The following PCDHGA5 variants were observed in gnomAD, a reference collection of about 807,000 sequenced individuals.
The protein encoded by PCDHGA5 is protocadherin gamma subfamily A, 5, also known as protocadherin gamma-A5.
PCDHGA5 carries 36 observed loss-of-function variants against 56.7 expected under a neutral mutation model. The observed-to-expected ratio is 0.64, with a 90% CI of 0.49 to 0.84. The LOEUF is 0.84. Among genes scored for constraint, PCDHGA5 ranks in the 40% least tolerant of loss-of-function variants. The pLI, the probability that PCDHGA5 is intolerant of heterozygous loss-of-function variation, is 0.00. For synonymous variants in PCDHGA5, 563 were observed against 520.2 expected (o/e 1.08, Z -1.12); for missense variants, 1,305 against 1,201.5 (o/e 1.09, Z -1.27).
chr5:141,485,821 T>C lies in PCDHGA5; in HGVS notation c.2422-8986T>C, dbSNP rs765768266. 4 of 1,614,134 alleles carry C rather than the reference T, an allele frequency of 2.5e-6. No homozygotes were observed. Among genetic ancestry groups the C allele is most frequent in the Admixed American group, 1.7e-5 (1 of 60,014 alleles). ...ACCGCCTGGTGCTGACTGCTGTCGATGGAGGGAACCCGCCGAGATCTGGCA... is the reference window on the plus strand; with the variant it reads ...ACCGCCTGGTGCTGACTGCTGTCGACGGAGGGAACCCGCCGAGATCTGGCA... On this transcript the variant is annotated intron_variant, in intron 1 of 3. Coordinates refer to ENST00000518069, the MANE Select transcript of PCDHGA5 (RefSeq NM_018918.3). This position sits in a 1 kb window ranked among gnomAD's most constrained non-coding sequence, Gnocchi z 5.7.
chr5:141,445,134 A>G lies in PCDHGA5; in HGVS notation c.2422-49673A>G, dbSNP rs900226020. ...TTGTAAATAGTATTTTTAAAATTGT[A>G]TCTTCTAATTGTTCATTTCTAGTTT... On this transcript the variant is annotated intron_variant, in intron 1 of 3. Transcript: ENST00000518069. Among the ~76,000 whole-genome samples, 174 of 152,316 alleles carry G rather than the reference A, an allele frequency of 1.1e-3. 4 individuals carry two copies. The highest frequency in any genetic ancestry group is 5.3e-4 in the Non-Finnish European group (36 of 68,016).
rs1036126623 is a variant in PCDHGA5, at chr5:141,410,753, T to A, written c.2421+44002T>A. On this transcript the variant is annotated intron_variant, in intron 1 of 3. Transcript: ENST00000518069. ...AGCTTTTTACAATATTTTCTCAATG[T>A]TTTTTCAATTATAGTTTTCACTATG... 4.1e-6 allele frequency: 5 copies of A among 1,229,696 alleles called. No individual in the cohort carries two copies. In the African/African-American group the frequency reaches 6.1e-5, roughly 15 times the overall value. 76.2% of individuals were successfully genotyped at this position (1,229,696 alleles called of 1,614,324 possible). A position where few individuals can be genotyped will look rare whatever the true frequency, so the allele number is the denominator to read the frequency against.
chr5:141,374,729 G>A, intron 1 of PCDHGA5: 2 of 1,610,396 alleles, frequency 1.2e-6, no homozygotes, highest in African/African-American at 2.7e-5. Context: ...TACTGCCATG[G>A]ATGGCGGCGA....
Position 141,512,171 on chromosome 5 carries a change from T to C in PCDHGA5, c.*998T>C, listed in dbSNP as rs140884268. ...GGGCTGAGCTAACAGGACCAATGGA[T>C]TAAACTGGCATTTCAGTCCAAGGAA... On this transcript the variant is annotated 3_prime_UTR_variant, in exon 4 of 4. Transcript: ENST00000518069. 584 of 152,796 alleles carry C rather than the reference T, an allele frequency of 3.8e-3. 5 individuals carry two copies. The highest frequency in any genetic ancestry group is 0.011 in the Admixed American group (167 of 15,298). The allele number at this position is 152,796 out of a possible 1,614,324, so 9.5% of individuals were successfully genotyped here. A position where few individuals can be genotyped will look rare whatever the true frequency, so the allele number is the denominator to read the frequency against.
intron 1 of PCDHGA5, chr5:141,414,596 C>T: frequency 6.2e-7 from 1 of 1,613,962 alleles, no homozygotes; most frequent in Non-Finnish European, 8.5e-7. Context: ...AGGGGTGCCT[C>T]CATCTTCTCA....
At position 141,365,218 on chromosome 5, in the gene PCDHGA5, C is replaced by T; in HGVS notation, c.888C>T (p.Ser296=). 1.2e-6 allele frequency: 2 copies of T among 1,613,898 alleles called. No homozygotes were observed. Among genetic ancestry groups the T allele is most frequent in the Non-Finnish European group, 1.7e-6 (2 of 1,179,878 alleles). Residue 296 remains serine (S), a synonymous_variant, in exon 1 of 4, where the codon TCC becomes TCT. Transcript: ENST00000518069. ...TTTCGGAGACTTTCCAACTTGATTC[C>T]AACCTGGGGGAAATCTCAACTCTAC... ...EKISETFQLD[S]NLGEISTLQS...
intron 1 of PCDHGA5, chr5:141,394,133 G>T: frequency 6.2e-7 from 1 of 1,613,920 alleles, no homozygotes; most frequent in Non-Finnish European, 8.5e-7. Flanking sequence ...AAATCGCTCT[G>T]CACGTGGCAG....
rs759346998 is a variant in PCDHGA5, at chr5:141,410,849, CTTTTTTTTTT to C, written c.2421+44111_2421+44120del. Reference sequence around the variant, plus strand: ...CAGACTGAAGATATTTTGTCTTTGTCTTTTTTTTTTTTTTTTTTTTTTGAGATGGAGTCTC... The same window carrying C: ...CAGACTGAAGATATTTTGTCTTTGTCTTTTTTTTTTTTGAGATGGAGTCTC... On this transcript the variant is annotated intron_variant, in intron 1 of 3. Coordinates refer to ENST00000518069, the MANE Select transcript of PCDHGA5 (RefSeq NM_018918.3). 8 of 138,182 alleles carry C rather than the reference CTTTTTTTTTT, an allele frequency of 5.8e-5. 2 individuals are homozygous for C. The highest frequency in any genetic ancestry group is 7.3e-5 in the Non-Finnish European group (6 of 82,424). 8.6% of individuals were successfully genotyped at this position (138,182 alleles called of 1,614,324 possible). A position where few individuals can be genotyped will look rare whatever the true frequency, so the allele number is the denominator to read the frequency against.
intron 1 of PCDHGA5, chr5:141,392,511 A>C (rs1368500575): frequency 4.2e-6 from 1 of 240,354 alleles, no homozygotes; most frequent in Non-Finnish European, 7.9e-6. Flanking sequence ...TTTTTTTCTC[A>C]GTAATCTAGT....
chr5:141,490,960 T>C lies in PCDHGA5; in HGVS notation c.2422-3847T>C. 1.9e-6 allele frequency: 3 copies of C among 1,613,794 alleles called. No homozygotes were observed. The highest frequency in any genetic ancestry group is 2.2e-5 in the South Asian group (2 of 91,030). On this transcript the variant is annotated intron_variant, in intron 1 of 3. Transcript: ENST00000518069. The surrounding 1 kb of genome is among the most constrained non-coding windows in gnomAD (Gnocchi z 5.4). ...GCACCCACGGCCAGACTGGGAACACTCAGCCCCCCAGCGTCTCCCTCGCTC... is the reference window on the plus strand; with the variant it reads ...GCACCCACGGCCAGACTGGGAACACCCAGCCCCCCAGCGTCTCCCTCGCTC...
chr5:141,366,224 C>T lies in PCDHGA5; in HGVS notation c.1894C>T (p.Leu632=). 6.2e-7 allele frequency: 1 copy of T among 1,613,840 alleles called. No individual in the cohort carries two copies. The highest frequency in any genetic ancestry group is 2.2e-5 in the East Asian group (1 of 44,890). Reference sequence around the variant, plus strand: ...GGGCGAGGTGCGCACAGCGCGAGCCCTGCTGGACAGAGACGCGCTCAAGCA... The same window carrying T: ...GGGCGAGGTGCGCACAGCGCGAGCCTTGCTGGACAGAGACGCGCTCAAGCA... ...HTGEVRTARA[L]LDRDALKQSL... Residue 632 remains leucine (L), a synonymous_variant, in exon 1 of 4, where the codon CTG becomes TTG. Transcript: ENST00000518069.
intron 1 of PCDHGA5, chr5:141,384,712 T>C (rs1479257673): frequency 6.2e-7 from 1 of 1,614,074 alleles, no homozygotes; most frequent in Admixed American, 1.7e-5. Flanking sequence ...CGCCTGGCTG[T>C]CATACCTCCT....
chr5:141,372,027 A>G (rs764132695), intron 1 of PCDHGA5: 3 of 1,613,296 alleles, frequency 1.9e-6, no homozygotes, highest in Non-Finnish European at 2.5e-6. Flanking sequence ...GCTCAGCGCC[A>G]ACGTGAGCCT....
intron 1 of PCDHGA5, chr5:141,428,018 C>T (rs771831423): frequency 1.9e-6 from 3 of 1,604,570 alleles, no homozygotes; most frequent in Non-Finnish European, 2.6e-6. Flanking sequence ...TAGTGCCACG[C>T]GCCGCAGAGT....
intron 1 of PCDHGA5, among the ~76,000 whole-genome samples, chr5:141,474,085 AAAAC>A (rs937548165): frequency 1.3e-5 from 2 of 152,188 alleles, no homozygotes; most frequent in African/African-American, 4.8e-5. Flanking sequence ...CAAAAACCAA[AAAAC>A]AAACAACAAC....
intron 1 of PCDHGA5, chr5:141,478,167 G>A: frequency 6.2e-7 from 1 of 1,613,772 alleles, no homozygotes; most frequent in Non-Finnish European, 8.5e-7. Context: ...TCTGCCCCCC[G>A]GGAGCAGAAA....
At chr5:141,405,020 A>G in intron 1 of PCDHGA5, 1 of 1,613,342 alleles carries the variant, frequency 6.2e-7, no homozygotes, top group Non-Finnish European at 8.5e-7. Context: ...CTCAGACCTT[A>G]CCCTCTACCT....
rs1055242827 is a variant in PCDHGA5 at position 141,371,130 on chromosome 5, A to C, written c.2421+4379A>C. 6.8e-6 allele frequency: 11 copies of C among 1,613,896 alleles called. No homozygotes were observed. The South Asian group carries it at 1.2e-4, about 18-fold the overall frequency. Reference sequence around the variant, plus strand: ...TAACCCCCCAGTATTTACTCAGGACATGTACAGGGTCAATGTTGCAGAGAA... The same window carrying C: ...TAACCCCCCAGTATTTACTCAGGACCTGTACAGGGTCAATGTTGCAGAGAA... On this transcript the variant is annotated intron_variant, in intron 1 of 3. Transcript: ENST00000518069.
Position 141,393,407 on chromosome 5 carries a change from C to T in PCDHGA5, c.2421+26656C>T, listed in dbSNP as rs766086453. ...TAAACCCAGAGCTGGTGCTGGAGCG[C>T]GCCCTGGACAGGGAGGAAGAGGCTG... On this transcript the variant is annotated intron_variant, in intron 1 of 3. Transcript: ENST00000518069. 3.1e-6 allele frequency: 5 copies of T among 1,614,056 alleles called. No individual in the cohort carries two copies. In the South Asian group the frequency reaches 5.5e-5, roughly 18 times the overall value.
Sources: allele counts gnomAD v4.1 joint callset (sites outside exome capture counted in the v4.1 genomes callset), GRCh38; gene constraint gnomAD v4.1.1; non-coding constraint Gnocchi (gnomAD v3.1); transcripts MANE v1.5; gene names NCBI Gene and HGNC (gene_info 2026-07-23, HGNC 2026-07-21).